GALNTL6: variants seen among roughly 807,000 people sequenced by gnomAD.
GALNTL6 encodes polypeptide N-acetylgalactosaminyltransferase like 6.
Under a neutral mutation model 73.7 loss-of-function variants are expected in GALNTL6, and 46 were observed. That is an observed-to-expected ratio of 0.62 (90% CI 0.49 to 0.80). GALNTL6 has a LOEUF of 0.80. GALNTL6 is among the 30% of genes least tolerant of loss of function. The probability of loss-of-function intolerance (pLI) is 0.00; values close to 1 mark genes in which losing one functional copy is unlikely to be tolerated. For missense variants in GALNTL6, 604 were observed against 755.0 expected (o/e 0.80, Z 2.34); for synonymous variants, 259 against 263.7 (o/e 0.98, Z 0.17).
intron 5 of GALNTL6, among the ~76,000 whole-genome samples, chr4:172,385,922 T>C (rs566964768): frequency 4.5e-4 from 68 of 151,768 alleles, no homozygotes; most frequent in Admixed American, 2.2e-3. Context: ...CACACACATA[T>C]ATATATTTTT....
At chr4:172,536,825 A>G (rs1165970833) in intron 5 of GALNTL6, among the ~76,000 whole-genome samples, 1 of 152,182 alleles carries the variant, frequency 6.6e-6, no homozygotes, top group Non-Finnish European at 1.5e-5. Context: ...AGCAGCAGAA[A>G]TTTGCATAAT....
At chr4:171,825,007 G>C (rs1265590619) in intron 2 of GALNTL6, among the ~76,000 whole-genome samples, 6 of 152,082 alleles carry the variant, frequency 3.9e-5, no homozygotes, top group Non-Finnish European at 8.8e-5. Context: ...CTATTTTGAT[G>C]ACCTTTCCCC....
intron 8 of GALNTL6, among the ~76,000 whole-genome samples, chr4:172,886,707 G>C (rs1196512476): frequency 6.6e-6 from 1 of 151,814 alleles, no homozygotes; most frequent in Non-Finnish European, 1.5e-5. Flanking sequence ...AAGTTGTAGT[G>C]AGCCGAGATT....
At chr4:172,052,441 C>T in intron 2 of GALNTL6, 2 of 1,534,394 alleles carry the variant, frequency 1.3e-6, no homozygotes, top group Non-Finnish European at 1.7e-6. Context: ...CATTCACCAG[C>T]CAGATGAGAG....
intron 2 of GALNTL6, among the ~76,000 whole-genome samples, chr4:171,986,127 G>A (rs943526415): frequency 6.6e-6 from 1 of 151,508 alleles, no homozygotes; most frequent in Admixed American, 6.6e-5. Flanking sequence ...CATGTGAAGA[G>A]ACCACCAAAC....
chr4:172,784,783 G>T (rs1434153319), intron 5 of GALNTL6, among the ~76,000 whole-genome samples: 2 of 152,128 alleles, frequency 1.3e-5, no homozygotes, highest in Non-Finnish European at 1.5e-5. Flanking sequence ...TGAAGTGCTT[G>T]TTTGCTACTT....
intron 2 of GALNTL6, among the ~76,000 whole-genome samples, chr4:171,945,693 G>C (rs940483147): frequency 6.6e-6 from 1 of 152,072 alleles, no homozygotes; most frequent in Non-Finnish European, 1.5e-5. Flanking sequence ...AGGTTTCGGG[G>C]AAGAGCTTAT....
At chr4:172,004,987 C>A (rs542424364) in intron 2 of GALNTL6, among the ~76,000 whole-genome samples, 9 of 151,898 alleles carry the variant, frequency 5.9e-5, no homozygotes, top group Non-Finnish European at 1.2e-4. Context: ...TGCTTAAGTT[C>A]TTTGAATAAG....
intron 5 of GALNTL6, among the ~76,000 whole-genome samples, chr4:172,577,672 T>A (rs1245793569): frequency 2.6e-5 from 4 of 152,280 alleles, no homozygotes; most frequent in African/African-American, 9.6e-5. Flanking sequence ...ATGGCACCTG[T>A]TGCTTTCTGT....
At chr4:172,276,954 T>C (rs1738854423) in intron 3 of GALNTL6, among the ~76,000 whole-genome samples, 1 of 152,102 alleles carries the variant, frequency 6.6e-6, no homozygotes, top group Non-Finnish European at 1.5e-5. Context: ...CTTAATTGAG[T>C]TCAGCTGGGT....
chr4:172,503,608 G>A (rs959340095), intron 5 of GALNTL6, among the ~76,000 whole-genome samples: 1 of 145,986 alleles, frequency 6.8e-6, no homozygotes, highest in Non-Finnish European at 1.5e-5. Flanking sequence ...TAACAATTTA[G>A]CATGTAAAAT....
intron 3 of GALNTL6, among the ~76,000 whole-genome samples, chr4:172,305,586 A>G (rs1041014778): frequency 6.6e-6 from 1 of 152,050 alleles, no homozygotes; most frequent in African/African-American, 2.4e-5. Flanking sequence ...TCAAACATAC[A>G]ATTTTTTTTT....
chr4:172,743,004 C>T (rs1466844707), intron 5 of GALNTL6, among the ~76,000 whole-genome samples: 2 of 151,990 alleles, frequency 1.3e-5, no homozygotes, highest in African/African-American at 4.8e-5. Context: ...TCATGCTCAG[C>T]TCAGGTTACA....
intron 2 of GALNTL6, among the ~76,000 whole-genome samples, chr4:172,226,595 GTGTGTGTTTC>G (rs1736876486): frequency 5.3e-5 from 2 of 37,484 alleles, no homozygotes; most frequent in Non-Finnish European, 1.0e-4. Context: ...GTGTCTGTGT[GTGTGTGTTTC>G]TGTGTGTGTG....
intron 5 of GALNTL6, among the ~76,000 whole-genome samples, chr4:172,382,649 T>C (rs1201104010): frequency 6.6e-6 from 1 of 152,188 alleles, no homozygotes; most frequent in African/African-American, 2.4e-5. Flanking sequence ...TTTGGTGTTA[T>C]GTCTAAAAAA....
At chr4:172,162,948 C>T (rs994795138) in intron 2 of GALNTL6, among the ~76,000 whole-genome samples, 7 of 151,982 alleles carry the variant, frequency 4.6e-5, no homozygotes, top group Non-Finnish European at 8.8e-5. Context: ...CTATTTTGTG[C>T]AATACTGCAA....
At chr4:173,001,912 T>C (rs998736115) in intron 10 of GALNTL6, among the ~76,000 whole-genome samples, 1 of 152,240 alleles carries the variant, frequency 6.6e-6, no homozygotes, top group Non-Finnish European at 1.5e-5. Flanking sequence ...GTACATTGCT[T>C]GTGGGAATGT....
At chr4:172,034,808 G>A (rs12651463) in intron 2 of GALNTL6, among the ~76,000 whole-genome samples, 1 of 152,016 alleles carries the variant, frequency 6.6e-6, no homozygotes, top group South Asian at 2.1e-4. Flanking sequence ...CATTGCCTTA[G>A]GTATCTTTTG....
At chr4:172,998,104 G>A (rs1363241394) in intron 10 of GALNTL6, among the ~76,000 whole-genome samples, 1 of 152,086 alleles carries the variant, frequency 6.6e-6, no homozygotes, top group East Asian at 1.9e-4. Flanking sequence ...TTACATTTAT[G>A]GTAAATTCAG....
Sources: allele counts gnomAD v4.1 joint callset (sites outside exome capture counted in the v4.1 genomes callset), GRCh38; gene constraint gnomAD v4.1.1; transcripts MANE v1.5; gene names NCBI Gene and HGNC (gene_info 2026-07-23, HGNC 2026-07-21).